The following PDE4D variants were observed in gnomAD, a reference collection of about 807,000 sequenced individuals.
PDE4D encodes the protein 3',5'-cyclic-AMP phosphodiesterase 4D.
A neutral mutation model predicts 87.4 loss-of-function variants in PDE4D; 24 were observed. The observed-to-expected ratio is 0.27, with a 90% CI of 0.20 to 0.39. PDE4D has a LOEUF of 0.39. Among genes scored for constraint, PDE4D ranks in the 10% least tolerant of loss-of-function variants. PDE4D has a pLI of 1.00. For synonymous variants in PDE4D, 384 were observed against 383.2 expected (o/e 1.00, Z -0.02); for missense variants, 714 against 1,041.0 (o/e 0.69, Z 4.32).
chr5:59,611,906 T>C (rs955073417), intron 1 of PDE4D, among the ~76,000 whole-genome samples: 2 of 152,196 alleles, frequency 1.3e-5, no homozygotes, highest in Non-Finnish European at 2.9e-5. Flanking sequence ...ATTCTTACTC[T>C]GATGCTATTT....
At chr5:60,444,190 ATGGCTTCACCCATTC>A (rs1295609769) in intron 1 of PDE4D, among the ~76,000 whole-genome samples, 1 of 152,158 alleles carries the variant, frequency 6.6e-6, no homozygotes, top group Non-Finnish European at 1.5e-5. Flanking sequence ...AGTTGACATT[ATGGCTTCACCCATTC>A]TGTCCTTACT....
chr5:59,213,729 C>T lies in PDE4D; in HGVS notation c.647+2048G>A, dbSNP rs1266276065. On this transcript the variant is annotated intron_variant, in intron 2 of 14. Transcript: ENST00000340635. ...CTAATGCTATTACCTGAATACAACG[C>T]ACCACTCAACTGTCATTCAAAAACC... Among the ~76,000 whole-genome samples the T allele has an allele frequency of 5.3e-5, 8 of 152,218 alleles. 1 individual carries two copies. In the South Asian group the frequency reaches 1.5e-3, roughly 28 times the overall value.
intron 5 of PDE4D, among the ~76,000 whole-genome samples, chr5:59,111,644 C>T (rs13354437): frequency 1.3e-5 from 2 of 152,014 alleles, no homozygotes; most frequent in African/African-American, 2.4e-5. Flanking sequence ...CTGCATTTTT[C>T]TATTCTAAAT....
chr5:59,747,065 T>C (rs1460831424), intron 1 of PDE4D, among the ~76,000 whole-genome samples: 1 of 152,224 alleles, frequency 6.6e-6, no homozygotes, highest in East Asian at 1.9e-4. Flanking sequence ...GGTCTCCCAG[T>C]TTCTGGATCT....
intron 1 of PDE4D, among the ~76,000 whole-genome samples, chr5:60,443,505 G>C (rs928841775): frequency 1.3e-4 from 20 of 152,176 alleles, no homozygotes; most frequent in Middle Eastern, 3.4e-3. Context: ...TTTTCCCCAG[G>C]GTAGAGAAAA....
chr5:58,977,454 C>A, intron 11 of PDE4D, 109 bp from the exon 12 acceptor site: 1 of 909,400 alleles, frequency 1.1e-6, no homozygotes, highest in Non-Finnish European at 1.7e-6. Context: ...TTCTCTGCTG[C>A]CCTTATCATT....
At position 58,990,909 on chromosome 5, in the gene PDE4D, T is replaced by TTA; in HGVS notation, c.1189-8_1189-7insTA. The TTA allele has an allele frequency of 7.2e-7, 1 of 1,381,086 alleles. No homozygotes were observed. Among genetic ancestry groups the TTA allele is most frequent in the Non-Finnish European group, 9.9e-7 (1 of 1,013,774 alleles). The allele number at this position is 1,381,086 out of a possible 1,614,324, so 85.6% of individuals were successfully genotyped here. A position where few individuals can be genotyped will look rare whatever the true frequency, so the allele number is the denominator to read the frequency against. On this transcript the variant is annotated splice_polypyrimidine_tract_variant and splice_region_variant and intron_variant, in intron 8 of 14. Transcript: ENST00000340635. ...TGTTCACATCTTCTAGTTCCTGGAG[T>TTA]GAAAAAAAAAAAAAGATACTAAAAT...
chr5:60,384,994 A>G (rs956522650), intron 1 of PDE4D, among the ~76,000 whole-genome samples: 1 of 152,178 alleles, frequency 6.6e-6, no homozygotes, highest in Non-Finnish European at 1.5e-5. Context: ...CTCCCAGAAT[A>G]CATACAGCTT....
intron 2 of PDE4D, among the ~76,000 whole-genome samples, chr5:60,022,078 A>AT (rs1057497675): frequency 6.6e-6 from 1 of 152,192 alleles, no homozygotes; most frequent in African/African-American, 2.4e-5. Flanking sequence ...ATGGAGCTGT[A>AT]TTAATGGCTG....
chr5:59,742,963 C>A (rs1455926348), intron 1 of PDE4D, among the ~76,000 whole-genome samples: 1 of 152,140 alleles, frequency 6.6e-6, no homozygotes, highest in Non-Finnish European at 1.5e-5. Flanking sequence ...CCACTTAGCA[C>A]ACTGCAAACA....
intron 1 of PDE4D, among the ~76,000 whole-genome samples, chr5:59,651,254 T>TCAACAA (rs531393357): frequency 3.6e-4 from 34 of 94,394 alleles, no homozygotes; most frequent in Admixed American, 8.7e-4. Flanking sequence ...AGACTCTGTC[T>TCAACAA]CAACAATAAT....
intron 1 of PDE4D, among the ~76,000 whole-genome samples, chr5:59,557,364 A>G (rs1411544586): frequency 6.6e-6 from 1 of 152,208 alleles, no homozygotes; most frequent in Non-Finnish European, 1.5e-5. Context: ...AGCTTGTTCC[A>G]ATGGTATCAC....
At chr5:59,975,002 T>G (rs1338662239) in intron 3 of PDE4D, among the ~76,000 whole-genome samples, 1 of 152,144 alleles carries the variant, frequency 6.6e-6, no homozygotes, top group Non-Finnish European at 1.5e-5. Context: ...GTACTCTGGT[T>G]CTCAATGCCC....
chr5:59,552,837 T>C (rs1818342390), intron 1 of PDE4D, among the ~76,000 whole-genome samples: 1 of 152,196 alleles, frequency 6.6e-6, no homozygotes, highest in Non-Finnish European at 1.5e-5. Context: ...ATTTACCAAG[T>C]TGTATTTAAG....
intron 1 of PDE4D, among the ~76,000 whole-genome samples, chr5:59,714,140 A>G (rs1754639891): frequency 1.3e-5 from 2 of 152,192 alleles, no homozygotes; most frequent in South Asian, 4.1e-4. Flanking sequence ...CATGGAAGAA[A>G]AGGGGGCCCC....
chr5:59,198,315 G>A (rs150161727), intron 2 of PDE4D, among the ~76,000 whole-genome samples: 62 of 152,308 alleles, frequency 4.1e-4, no homozygotes, highest in African/African-American at 1.4e-3. Context: ...GTGTCTATAT[G>A]TATGTATGTA....
At chr5:59,388,732 G>A (rs950894068) in intron 1 of PDE4D, among the ~76,000 whole-genome samples, 5 of 151,412 alleles carry the variant, frequency 3.3e-5, no homozygotes, top group Admixed American at 3.3e-4. Context: ...GGACATCAAG[G>A]GTATTTGTGA....
At chr5:60,112,606 G>A (rs1223872524) in intron 2 of PDE4D, among the ~76,000 whole-genome samples, 1 of 151,810 alleles carries the variant, frequency 6.6e-6, no homozygotes, top group Admixed American at 6.6e-5. Context: ...TATACTTCAG[G>A]GCAAACTTAA....
At chr5:60,519,554 C>T (rs772588876) in intron 1 of PDE4D, among the ~76,000 whole-genome samples, 15 of 152,160 alleles carry the variant, frequency 9.9e-5, no homozygotes, top group African/African-American at 1.9e-4. Context: ...TACTAATGCA[C>T]ACCAATTATT....
Sources: gnomAD v4.1 joint callset for allele counts (sites outside exome capture counted in the v4.1 genomes callset) on GRCh38, gnomAD v4.1.1 for gene constraint, MANE v1.5 for transcripts, NCBI Gene and HGNC (gene_info 2026-07-23, HGNC 2026-07-21) for gene names.